VCAN: variants seen among roughly 807,000 people sequenced by gnomAD.
VCAN encodes the protein versican, also known as versican core protein.
VCAN carries 44 observed loss-of-function variants against 245.5 expected under a neutral mutation model. The ratio of observed to expected loss-of-function variants is 0.18; its 90% CI spans 0.14 to 0.23. The LOEUF (loss-of-function observed/expected upper bound fraction) is 0.23. Among genes scored for constraint, VCAN ranks in the 10% least tolerant of loss-of-function variants. The probability of loss-of-function intolerance (pLI) is 1.00; values close to 1 mark genes in which losing one functional copy is unlikely to be tolerated. For missense variants in VCAN, 3,793 were observed against 4,057.9 expected (o/e 0.93, Z 1.77); for synonymous variants, 1,413 against 1,437.0 (o/e 0.98, Z 0.38).
At chr5:83,528,205 G>A (rs1746373506) in intron 7 of VCAN, among the ~76,000 whole-genome samples, 1 of 152,158 alleles carries the variant, frequency 6.6e-6, no homozygotes, top group African/African-American at 2.4e-5. Context: ...TGAATGGTAG[G>A]TGAGGTCAGA....
chr5:83,553,545 T>C, intron 11 of VCAN, 23 bp downstream of exon 11: 1 of 1,613,696 alleles, frequency 6.2e-7, no homozygotes, highest in Middle Eastern at 1.7e-4. Context: ...TAGATACGAG[T>C]TTCCAGGAAC....
intron 6 of VCAN, among the ~76,000 whole-genome samples, chr5:83,515,052 C>T (rs1745799013): frequency 6.6e-6 from 1 of 152,162 alleles, no homozygotes; most frequent in African/African-American, 2.4e-5. Flanking sequence ...TTCCCTTTGC[C>T]TCACAAAGTC....
intron 5 of VCAN, among the ~76,000 whole-genome samples, chr5:83,498,795 C>G (rs1247663147): frequency 6.6e-6 from 1 of 152,164 alleles, no homozygotes; most frequent in Non-Finnish European, 1.5e-5. Flanking sequence ...CAAATAGTCC[C>G]CATCACTTTA....
chr5:83,556,626 G>T (rs1245311328), intron 12 of VCAN, among the ~76,000 whole-genome samples: 3 of 152,134 alleles, frequency 2.0e-5, no homozygotes, highest in African/African-American at 7.2e-5. Flanking sequence ...TATTGGATCT[G>T]TATCTGCAAT....
At chr5:83,566,035 C>T (rs945479261) in intron 12 of VCAN, among the ~76,000 whole-genome samples, 21 of 106,022 alleles carry the variant, frequency 2.0e-4, no homozygotes, top group African/African-American at 8.5e-4. Flanking sequence ...GTGATCTTTG[C>T]TCACTGCAAC....
rs374872107 is a variant in VCAN, at chr5:83,548,034, C to A, written c.9443C>A (p.Thr3148Lys). 8.7e-6 allele frequency: 14 copies of A among 1,613,976 alleles called. No individual in the cohort carries two copies. Among genetic ancestry groups the A allele is most frequent in the Non-Finnish European group, 1.1e-5 (13 of 1,179,968 alleles). ...NGATCVDGFNTFRCLCLPSYV... is the reference protein window; with the variant it reads ...NGATCVDGFNKFRCLCLPSYV... ...GCCACTTGTGTTGATGGTTTTAACA[C>A]ATTCAGGTGCCTCTGCCTTCCAAGT... is the stretch of plus-strand genomic sequence containing the variant. The change falls in exon 10 of 15, where the codon ACA (threonine) becomes AAA (lysine). Residue 3148 changes from threonine (T) to lysine (K), a missense_variant. Coordinates refer to ENST00000265077, the MANE Select transcript of VCAN (RefSeq NM_004385.5).
Position 83,572,868 on chromosome 5 carries a change from TA to T in VCAN, c.9880+309del, listed in dbSNP as rs1489359663. On this transcript the variant is annotated intron_variant, in intron 13 of 14. Coordinates refer to ENST00000265077, the MANE Select transcript of VCAN (RefSeq NM_004385.5). ...GCCAATAGACCTTTTTATTTTTATT[TA>T]TTTATTTATTTATTTATTTATTTAT... Among the ~76,000 whole-genome samples the T allele has an allele frequency of 6.4e-5, 8 of 124,462 alleles. No homozygotes were observed. In the East Asian group the frequency reaches 1.8e-3, roughly 28 times the overall value. The allele number at this position is 124,462 out of a possible 152,430, so 81.7% of individuals were successfully genotyped here.
At position 83,521,795 on chromosome 5, in the gene VCAN, G is replaced by A; in HGVS notation, c.3489G>A (p.Gln1163=). 1 of 1,614,148 alleles carries A rather than the reference G, an allele frequency of 6.2e-7. No individual in the cohort carries two copies. Among genetic ancestry groups the A allele is most frequent in the South Asian group, 1.1e-5 (1 of 91,090 alleles). ...SLSPFSTHIT[Q]LMEETTTEKT... The stretch of plus-strand genomic sequence containing the variant: ...GTCCTTTTAGTACCCACATTACCCA[G>A]CTTATGGAAGAAACCACTACTGAGA... The change falls in exon 7 of 15, where the codon CAG becomes CAA. Residue 1163 remains glutamine, a synonymous_variant. Coordinates refer to ENST00000265077, the MANE Select transcript of VCAN (RefSeq NM_004385.5).
rs1204706702 is a variant in VCAN at position 83,512,129 on chromosome 5, A to G, written c.775A>G (p.Ser259Gly). 1.2e-6 allele frequency: 2 copies of G among 1,614,104 alleles called. No homozygotes were observed. The highest frequency in any genetic ancestry group is 1.6e-4 in the Middle Eastern group (1 of 6,062). The change falls in exon 6 of 15, where the codon AGT (serine) becomes GGT (glycine). Residue 259 changes from serine (S) to glycine (G), a missense_variant. Physicochemically the swap from Ser to Gly is moderately conservative, Grantham distance 56 (BLOSUM62 0). Coordinates refer to ENST00000265077, the MANE Select transcript of VCAN (RefSeq NM_004385.5). Reference sequence around the variant, plus strand: ...TGATGTGTTCCACCTCACTGTCCCCAGTAAATTCACCTTCGAGGAGGCTGC... The same window carrying G: ...TGATGTGTTCCACCTCACTGTCCCCGGTAAATTCACCTTCGAGGAGGCTGC... Reference protein sequence around the residue: ...DGDVFHLTVPSKFTFEEAAKE... With the variant: ...DGDVFHLTVPGKFTFEEAAKE...
Position 83,541,369 on chromosome 5 carries a change from A to T in VCAN, c.8366A>T (p.Asp2789Val). 6.2e-7 allele frequency: 1 copy of T among 1,614,084 alleles called. No individual in the cohort carries two copies. ...YLSIATTHLM[D>V]QSVTEVPDVM... is the part of the protein sequence containing the mutation. ...AGTATTGCTACTACCCACCTTATGG[A>T]TCAGAGTGTAACAGAGGTGCCTGAT... The change falls in exon 8 of 15, where the codon GAT becomes GTT. Residue 2789 changes from aspartate to valine, a missense_variant. Around this residue, in one of 5 missense-constraint regions of VCAN, gnomAD observed 3,182 missense variants for 3,250.3 expected, o/e 0.98. Coordinates refer to ENST00000265077, the MANE Select transcript of VCAN (RefSeq NM_004385.5).
At chr5:83,494,537 A>G (rs1381932187) in intron 5 of VCAN, among the ~76,000 whole-genome samples, 1 of 152,200 alleles carries the variant, frequency 6.6e-6, no homozygotes, top group Admixed American at 6.5e-5. Flanking sequence ...CTTCCTTTCA[A>G]GTCGCTTACA....
intron 5 of VCAN, among the ~76,000 whole-genome samples, chr5:83,502,610 G>A (rs972478447): frequency 6.6e-6 from 1 of 152,090 alleles, no homozygotes; most frequent in African/African-American, 2.4e-5. Flanking sequence ...TTTTAGTGGG[G>A]GCTTCCTGCA....
At chr5:83,509,687 G>A (rs927464522) in intron 5 of VCAN, among the ~76,000 whole-genome samples, 4 of 152,150 alleles carry the variant, frequency 2.6e-5, no homozygotes, top group African/African-American at 9.7e-5. Context: ...CAAGTCCAAG[G>A]GTTCTACCTC....
chr5:83,564,134 G>A (rs1747984647), intron 12 of VCAN, among the ~76,000 whole-genome samples: 2 of 152,136 alleles, frequency 1.3e-5, no homozygotes, highest in South Asian at 4.1e-4. Flanking sequence ...TGTTCTCTTT[G>A]TGTTTTCACT....
Position 83,554,956 on chromosome 5 carries a change from G to A in VCAN, c.9653G>A (p.Arg3218His), listed in dbSNP as rs770894290. Reference sequence around the variant, plus strand: ...ATCTGTGTGGTTTCCTATCCCTTAGGTGTGGGCCATGATTATCAGTGGATA... The same window carrying A: ...ATCTGTGTGGTTTCCTATCCCTTAGATGTGGGCCATGATTATCAGTGGATA... ...LSHEEQMFVN[R>H]VGHDYQWIGL... is the part of the protein sequence containing the mutation. Residue 3218 changes from arginine (R) to histidine (H), a missense_variant and splice_region_variant, in exon 12 of 15, where the codon CGT becomes CAT. Physicochemically the swap from Arg to His is conservative, Grantham distance 29. Transcript: ENST00000265077. 1.9e-6 allele frequency: 3 copies of A among 1,613,438 alleles called. No homozygotes were observed. Among genetic ancestry groups the A allele is most frequent in the Non-Finnish European group, 2.5e-6 (3 of 1,179,532 alleles).
intron 5 of VCAN, among the ~76,000 whole-genome samples, chr5:83,505,496 C>T (rs554752048): frequency 6.6e-5 from 10 of 152,292 alleles, no homozygotes; most frequent in Admixed American, 3.9e-4. Flanking sequence ...ACCCAGGTCA[C>T]GCTGATGCAA....
chr5:83,538,472 T>A lies in VCAN; in HGVS notation c.5469T>A (p.Thr1823=), dbSNP rs772786140. The A allele has an allele frequency of 8.1e-6, 13 of 1,613,810 alleles. No homozygotes were observed. Among genetic ancestry groups the A allele is most frequent in the Non-Finnish European group, 8.5e-7 (1 of 1,179,948 alleles). ...CTGGGGTTCAGGAAGGGCTGACCAC[T>A]CTCCCACGTAGTCCTGCCTCTGTCT... ...HQPGVQEGLT[T]LPRSPASVFM... The change falls in exon 8 of 15, where the codon ACT becomes ACA. Residue 1823 remains threonine, a synonymous_variant. Transcript: ENST00000265077.
At chr5:83,515,302 A>G (rs1745806281) in intron 6 of VCAN, among the ~76,000 whole-genome samples, 2 of 152,376 alleles carry the variant, frequency 1.3e-5, no homozygotes, top group South Asian at 4.1e-4. Flanking sequence ...CCCCAAACTT[A>G]AGTGAATCAA....
chr5:83,539,664 G>A lies in VCAN; in HGVS notation c.6661G>A (p.Val2221Ile), dbSNP rs1464835263. 1 of 1,613,858 alleles carries A rather than the reference G, an allele frequency of 6.2e-7. No homozygotes were observed. The part of the protein sequence containing the change: ...LVTESIPAEH[V>I]VTDSPIKKEE... ...AACTGAATCTATACCAGCTGAACATGTAGTCACAGATTCACCAATCAAAAA... is the reference window on the plus strand; with the variant it reads ...AACTGAATCTATACCAGCTGAACATATAGTCACAGATTCACCAATCAAAAA... Residue 2221 changes from valine (V) to isoleucine (I), a missense_variant, in exon 8 of 15, where the codon GTA becomes ATA. Coordinates refer to ENST00000265077, the MANE Select transcript of VCAN (RefSeq NM_004385.5).
Sources: gnomAD v4.1 joint callset for allele counts (sites outside exome capture counted in the v4.1 genomes callset) on GRCh38, gnomAD v4.1.1 for gene constraint, gnomAD v4.1.1 regional missense constraint, MANE v1.5 for transcripts, NCBI Gene and HGNC (gene_info 2026-07-23, HGNC 2026-07-21) for gene names.